Variants in COL14A1 observed in about 807,000 individuals in gnomAD.
COL14A1 encodes the protein collagen type XIV alpha 1 chain.
A neutral mutation model predicts 230.3 loss-of-function variants in COL14A1; 136 were observed. The observed-to-expected ratio is 0.59, with a 90% confidence interval of 0.51 to 0.68. The LOEUF is 0.68. COL14A1 is among the 30% of genes least tolerant of loss of function. The pLI, the probability that COL14A1 is intolerant of heterozygous loss-of-function variation, is 0.00. For synonymous variants in COL14A1, 792 were observed against 784.1 expected, an observed-to-expected ratio of 1.01 and a Z score of -0.17; for missense variants, 1,976 against 2,215.8, an observed-to-expected ratio of 0.89 and a Z score of 2.17.
chr8:120,149,218 G>A (rs1019102558), intron 2 of COL14A1, among the ~76,000 whole-genome samples: 7 of 152,192 alleles, frequency 4.6e-5, no homozygotes, highest in African/African-American at 1.7e-4. Context: ...AATGTCTAAT[G>A]TTTGGCATTG....
intron 45 of COL14A1, among the ~76,000 whole-genome samples, chr8:120,365,897 A>G (rs1366429404): frequency 6.6e-6 from 1 of 152,202 alleles, no homozygotes; most frequent in Non-Finnish European, 1.5e-5. Flanking sequence ...CTAGTAAAGA[A>G]GAAGAGCTTT....
chr8:120,359,088 T>A (rs570925100), intron 45 of COL14A1, among the ~76,000 whole-genome samples: 1 of 152,248 alleles, frequency 6.6e-6, no homozygotes, highest in South Asian at 2.1e-4. Context: ...TGTTAACTTT[T>A]GGGATACATG....
At chr8:120,125,920 G>T (rs1296035265) in intron 1 of COL14A1, among the ~76,000 whole-genome samples, 1 of 152,152 alleles carries the variant, frequency 6.6e-6, no homozygotes, top group Non-Finnish European at 1.5e-5. Flanking sequence ...AAACAGCTAG[G>T]TAGAGCTCGA....
intron 45 of COL14A1, among the ~76,000 whole-genome samples, chr8:120,362,174 G>C (rs1337438497): frequency 6.6e-6 from 1 of 152,202 alleles, no homozygotes; most frequent in Non-Finnish European, 1.5e-5. Flanking sequence ...AGAGGCTTCT[G>C]TGCCAATCTG....
intron 5 of COL14A1, among the ~76,000 whole-genome samples, chr8:120,190,402 T>A (rs1180539853): frequency 6.6e-6 from 1 of 152,186 alleles, no homozygotes; most frequent in African/African-American, 2.4e-5. Context: ...GTCAGATGAG[T>A]AGGATGCGAA....
intron 42 of COL14A1, among the ~76,000 whole-genome samples, chr8:120,335,190 A>G (rs1298949157): frequency 6.6e-6 from 1 of 152,156 alleles, no homozygotes; most frequent in Non-Finnish European, 1.5e-5. Flanking sequence ...TTGAGTAACT[A>G]TGATAGCACC....
At chr8:120,255,175 T>A in intron 22 of COL14A1, 65 bp from the exon 23 acceptor site, 1 of 1,326,484 alleles carries the variant, frequency 7.5e-7, no homozygotes, top group Non-Finnish European at 1.1e-6. Flanking sequence ...GAAGTTAATT[T>A]CAGATTCAGG....
intron 40 of COL14A1, among the ~76,000 whole-genome samples, chr8:120,317,124 G>A (rs943752543): frequency 1.4e-4 from 21 of 152,108 alleles, no homozygotes; most frequent in Admixed American, 6.6e-5. Context: ...GGATTATATA[G>A]AGTGGCGACC....
chr8:120,197,787 G>A (rs201283399), intron 6 of COL14A1, 24 bp from the exon 7 acceptor site: 16 of 1,589,336 alleles, frequency 1.0e-5, no homozygotes, highest in Middle Eastern at 1.7e-4. Context: ...TATTCCTGGT[G>A]CGTTTCCTAA....
chr8:120,371,826 A>T lies in COL14A1; in HGVS notation c.*595A>T. On this transcript the variant is annotated 3_prime_UTR_variant, in exon 48 of 48. Coordinates refer to ENST00000297848, the MANE Select transcript of COL14A1 (RefSeq NM_021110.4). ...CTGAATTTGGTAGTTTAAGAAACAG[A>T]TTTAGTTTTTCAGTGGTTTTAACTC... 2.6e-6 allele frequency: 1 copy of T among 385,350 alleles called. No individual in the cohort carries two copies. The highest frequency in any genetic ancestry group is 4.6e-6 in the Non-Finnish European group (1 of 217,478). 23.9% of individuals were successfully genotyped at this position (385,350 alleles called of 1,614,324 possible).
At chr8:120,230,948 C>T (rs189735959) in intron 18 of COL14A1, among the ~76,000 whole-genome samples, 1 of 152,264 alleles carries the variant, frequency 6.6e-6, no homozygotes, top group African/African-American at 2.4e-5. Flanking sequence ...AAGATCGTGT[C>T]TGTGTGGGCT....
At chr8:120,209,476 A>T (rs980272693) in intron 11 of COL14A1, among the ~76,000 whole-genome samples, 12 of 152,170 alleles carry the variant, frequency 7.9e-5, no homozygotes, top group Non-Finnish European at 1.5e-4. Context: ...ACTCTCATAG[A>T]TCCCTGTACA....
chr8:120,216,493 A>G lies in COL14A1; in HGVS notation c.1737+3A>G, dbSNP rs1817755252. The G allele has an allele frequency of 6.2e-7, 1 of 1,606,394 alleles. No homozygotes were observed. Among genetic ancestry groups the G allele is most frequent in the African/African-American group, 1.3e-5 (1 of 74,528 alleles). On this transcript the variant is annotated splice_donor_region_variant and intron_variant, in intron 14 of 47. Coordinates refer to ENST00000297848, the MANE Select transcript of COL14A1 (RefSeq NM_021110.4). ...CAGATGGGACTGAAATCAATGAGGT[A>G]AGTTCCGGGACATAATGTATATTTT...
In COL14A1 at chr8:120,273,227, A is replaced by G. The variant is rs549779166; in HGVS notation, c.3213+3053A>G. Among the ~76,000 whole-genome samples, 4 of 151,950 alleles carry G rather than the reference A, an allele frequency of 2.6e-5. No homozygotes were observed. The South Asian group carries it at 8.3e-4, about 31-fold the overall frequency. On this transcript the variant is annotated intron_variant, in intron 26 of 47. Coordinates refer to ENST00000297848, the MANE Select transcript of COL14A1 (RefSeq NM_021110.4). ...ATAATAAAATCAAGAAGGAAATTTA[A>G]AAATTATTTGGAATGAAAGATAATA... is the stretch of plus-strand genomic sequence containing the variant.
intron 45 of COL14A1, among the ~76,000 whole-genome samples, chr8:120,346,745 T>C (rs940294744): frequency 1.3e-5 from 2 of 152,294 alleles, no homozygotes; most frequent in East Asian, 3.9e-4. Flanking sequence ...TCCGCCCCCA[T>C]GAACACCTGA....
At chr8:120,177,694 C>CTATATATATATATATA (rs3030325) in intron 5 of COL14A1, among the ~76,000 whole-genome samples, 4 of 129,396 alleles carry the variant, frequency 3.1e-5, no homozygotes, top group Non-Finnish European at 6.4e-5. Context: ...TATAAAAAGA[C>CTATATATATATATATA]TATATATATA....
At chr8:120,273,217 A>C (rs1228176210) in intron 26 of COL14A1, among the ~76,000 whole-genome samples, 1 of 151,840 alleles carries the variant, frequency 6.6e-6, no homozygotes, top group Non-Finnish European at 1.5e-5. Context: ...AAAATCAAGA[A>C]GGAAATTTAA....
intron 1 of COL14A1, among the ~76,000 whole-genome samples, chr8:120,141,813 G>A (rs1814924620): frequency 6.6e-6 from 1 of 152,100 alleles, no homozygotes; most frequent in Non-Finnish European, 1.5e-5. Flanking sequence ...AGGAGAAAAA[G>A]GTTCCTTTTC....
At chr8:120,281,272 A>G (rs1031852659) in intron 31 of COL14A1, among the ~76,000 whole-genome samples, 6 of 152,128 alleles carry the variant, frequency 3.9e-5, no homozygotes, top group Admixed American at 1.3e-4. Flanking sequence ...ACAACATATA[A>G]AAATGATTGC....
Sources: allele counts gnomAD v4.1 joint callset (sites outside exome capture counted in the v4.1 genomes callset), GRCh38; gene constraint gnomAD v4.1.1; transcripts MANE v1.5; gene names NCBI Gene and HGNC (gene_info 2026-07-23, HGNC 2026-07-21).